The following CDH13 variants were observed in gnomAD, a reference collection of about 807,000 sequenced individuals.
CDH13 encodes cadherin-13.
In CDH13, 24 loss-of-function variants were observed where a neutral mutation model predicts 63.8. The observed-to-expected ratio is 0.38, with a 90% CI of 0.27 to 0.53. The LOEUF is 0.53. Among genes scored for constraint, CDH13 ranks in the 20% least tolerant of loss-of-function variants. The probability of loss-of-function intolerance (pLI) is 0.85; values close to 1 mark genes in which losing one functional copy is unlikely to be tolerated. For synonymous variants in CDH13, 503 were observed against 355.3 expected (o/e 1.42, Z -4.67); for missense variants, 1,049 against 903.1 (o/e 1.16, Z -2.07).
intron 1 of CDH13, among the ~76,000 whole-genome samples, chr16:82,774,728 A>C (rs2035417775): frequency 1.3e-5 from 2 of 152,128 alleles, no homozygotes; most frequent in African/African-American, 4.8e-5. Context: ...AGGATAGGTG[A>C]GGCTCTGCTG....
intron 1 of CDH13, among the ~76,000 whole-genome samples, chr16:82,748,636 TTAA>T (rs1387315327): frequency 6.6e-6 from 1 of 152,176 alleles, no homozygotes; most frequent in Non-Finnish European, 1.5e-5. Context: ...CTAAACTCTG[TTAA>T]TAATTGTACA....
At chr16:82,676,681 A>G (rs1007189065) in intron 1 of CDH13, among the ~76,000 whole-genome samples, 4 of 151,680 alleles carry the variant, frequency 2.6e-5, no homozygotes, top group Admixed American at 6.6e-5. Flanking sequence ...GGTTTTTTTT[A>G]TGAAATATAA....
At chr16:83,118,495 G>A (rs908445124) in intron 3 of CDH13, among the ~76,000 whole-genome samples, 1 of 152,160 alleles carries the variant, frequency 6.6e-6, no homozygotes, top group Non-Finnish European at 1.5e-5. Context: ...AAGCTGGAAG[G>A]GGCTGCGTGT....
At chr16:83,496,401 C>T (rs1459460450) in intron 7 of CDH13, among the ~76,000 whole-genome samples, 11 of 150,738 alleles carry the variant, frequency 7.3e-5, no homozygotes, top group Non-Finnish European at 1.6e-4. Flanking sequence ...GAAAAACAAG[C>T]AATGGGGAAA....
At chr16:82,763,084 C>G (rs1364693037) in intron 1 of CDH13, among the ~76,000 whole-genome samples, 2 of 152,190 alleles carry the variant, frequency 1.3e-5, no homozygotes, top group African/African-American at 2.4e-5. Context: ...TTGGGCCTCA[C>G]CAGCCCCAGA....
chr16:82,628,933 G>C (rs1275247058), intron 1 of CDH13, among the ~76,000 whole-genome samples: 1 of 152,222 alleles, frequency 6.6e-6, no homozygotes, highest in African/African-American at 2.4e-5. Context: ...TAGGACTGCT[G>C]AGTGGATAGG....
At chr16:82,817,262 C>G (rs548019030) in intron 1 of CDH13, among the ~76,000 whole-genome samples, 2 of 152,194 alleles carry the variant, frequency 1.3e-5, no homozygotes, top group South Asian at 4.2e-4. Context: ...GCCCTACACC[C>G]AGTGGCCATA....
intron 2 of CDH13, among the ~76,000 whole-genome samples, chr16:82,919,142 A>C (rs1293718625): frequency 6.6e-6 from 1 of 152,092 alleles, no homozygotes; most frequent in Admixed American, 6.5e-5. Flanking sequence ...ATATATTCCA[A>C]ATGTGTTTTT....
chr16:83,078,954 C>G (rs1416946238), intron 3 of CDH13, among the ~76,000 whole-genome samples: 1 of 152,152 alleles, frequency 6.6e-6, no homozygotes, highest in African/African-American at 2.4e-5. Context: ...ACCACCACAG[C>G]AAGCTAATTT....
chr16:83,570,998 C>G (rs150026513), intron 7 of CDH13, among the ~76,000 whole-genome samples: 3 of 141,816 alleles, frequency 2.1e-5, no homozygotes. Flanking sequence ...ACCCAAGGGC[C>G]AGCACCTCCA....
chr16:82,997,364 T>C (rs1485393725), intron 2 of CDH13, among the ~76,000 whole-genome samples: 2 of 152,184 alleles, frequency 1.3e-5, no homozygotes, highest in African/African-American at 4.8e-5. Context: ...GGGCTAGGAC[T>C]AGAGTGAGGT....
chr16:83,065,322 A>G (rs1396673415), intron 3 of CDH13, among the ~76,000 whole-genome samples: 1 of 152,210 alleles, frequency 6.6e-6, no homozygotes, highest in Non-Finnish European at 1.5e-5. Context: ...AAGTGAGTTG[A>G]TCAGCTATGT....
At chr16:83,281,401 G>A (rs2089170491) in intron 5 of CDH13, among the ~76,000 whole-genome samples, 1 of 152,190 alleles carries the variant, frequency 6.6e-6, no homozygotes, top group Non-Finnish European at 1.5e-5. Flanking sequence ...TACCTTAAGT[G>A]AATGTTGTGA....
intron 11 of CDH13, among the ~76,000 whole-genome samples, chr16:83,755,523 A>C (rs1913435938): frequency 6.6e-6 from 1 of 152,228 alleles, no homozygotes. Context: ...ACTGATGAAA[A>C]ACAATATCAA....
intron 3 of CDH13, among the ~76,000 whole-genome samples, chr16:83,045,847 T>C (rs575825049): frequency 2.0e-5 from 3 of 152,322 alleles, no homozygotes; most frequent in African/African-American, 7.2e-5. Flanking sequence ...GATGATCAAA[T>C]TACATGGTCT....
intron 4 of CDH13, among the ~76,000 whole-genome samples, chr16:83,176,127 G>A (rs1436993853): frequency 6.6e-6 from 1 of 151,488 alleles, no homozygotes; most frequent in African/African-American, 2.4e-5. Context: ...TGGGATTACA[G>A]GCGTGAGCTA....
At chr16:82,863,517 T>A (rs575829845) in intron 2 of CDH13, among the ~76,000 whole-genome samples, 2 of 152,350 alleles carry the variant, frequency 1.3e-5, no homozygotes, top group African/African-American at 4.8e-5. Flanking sequence ...ATGAGTGAGT[T>A]ATTCACATCC....
rs943252758 is a variant in CDH13 at position 82,836,780 on chromosome 16, G to A, written c.46-21582G>A. Among the ~76,000 whole-genome samples, 6 of 150,640 alleles carry A rather than the reference G, an allele frequency of 4.0e-5. No homozygotes were observed. The South Asian group carries it at 1.3e-3, about 31-fold the overall frequency. On this transcript the variant is annotated intron_variant, in intron 1 of 13. Transcript: ENST00000567109. Reference sequence around the variant, plus strand: ...AACTCATACTTCTTCATGGCAAGATGAGGTGAATTCATTTCTACCCATAGT... The same window carrying A: ...AACTCATACTTCTTCATGGCAAGATAAGGTGAATTCATTTCTACCCATAGT...
rs1332156002 is a variant in CDH13, at chr16:83,528,811, T to C, written c.960+42156T>C. Among the ~76,000 whole-genome samples, 7 of 152,340 alleles carry C rather than the reference T, an allele frequency of 4.6e-5. No homozygotes were observed. The East Asian group carries it at 1.4e-3, about 29-fold the overall frequency. On this transcript the variant is annotated intron_variant, in intron 7 of 13. Coordinates refer to ENST00000567109, the MANE Select transcript of CDH13 (RefSeq NM_001257.5). ...ATGTCTCGTTTAGCATTGGTTGTAG[T>C]CAAGAGAGAGACTGTTCAATCCCAG... is the stretch of plus-strand genomic sequence containing the variant.
Sources: gnomAD v4.1 joint callset for allele counts (sites outside exome capture counted in the v4.1 genomes callset) on GRCh38, gnomAD v4.1.1 for gene constraint, MANE v1.5 for transcripts, NCBI Gene and HGNC (gene_info 2026-07-23, HGNC 2026-07-21) for gene names.